The following SPOCK3 variants were observed in gnomAD, a reference collection of about 807,000 sequenced individuals.
SPOCK3 encodes the protein testican-3.
Under a neutral mutation model 56.6 loss-of-function variants are expected in SPOCK3, and 30 were observed. The ratio of observed to expected loss-of-function variants is 0.53; its 90% CI spans 0.40 to 0.72. The LOEUF is 0.72. SPOCK3 is among the 30% of genes least tolerant of loss of function. SPOCK3 has a pLI of 0.00. For synonymous variants in SPOCK3, 196 were observed against 183.3 expected (o/e 1.07, Z -0.56); for missense variants, 527 against 530.0 (o/e 0.99, Z 0.06).
intron 2 of SPOCK3, among the ~76,000 whole-genome samples, chr4:167,161,633 AC>A (rs1231602961): frequency 2.0e-5 from 3 of 152,146 alleles, no homozygotes; most frequent in Admixed American, 1.3e-4. Context: ...AAGACTTGGA[AC>A]CAACCCAAAT....
intron 4 of SPOCK3, among the ~76,000 whole-genome samples, chr4:166,993,307 G>A (rs1018061994): frequency 2.6e-5 from 4 of 152,144 alleles, no homozygotes; most frequent in Non-Finnish European, 5.9e-5. Context: ...GACATCCCTT[G>A]AGGCGTCTAG....
intron 2 of SPOCK3, among the ~76,000 whole-genome samples, chr4:167,200,363 A>G (rs1733400088): frequency 6.6e-6 from 1 of 152,066 alleles, no homozygotes; most frequent in East Asian, 1.9e-4. Context: ...ATTAAAAAAT[A>G]TACCCTTTAT....
intron 4 of SPOCK3, among the ~76,000 whole-genome samples, chr4:166,948,097 T>G (rs1181260790): frequency 6.6e-6 from 1 of 152,210 alleles, no homozygotes; most frequent in Non-Finnish European, 1.5e-5. Context: ...AGTTCACATA[T>G]GAGTGAGAAC....
At chr4:167,008,061 A>C (rs1749638653) in intron 3 of SPOCK3, among the ~76,000 whole-genome samples, 1 of 152,170 alleles carries the variant, frequency 6.6e-6, no homozygotes, top group African/African-American at 2.4e-5. Flanking sequence ...GGTAAGGCTA[A>C]GAAGACACTT....
intron 4 of SPOCK3, among the ~76,000 whole-genome samples, chr4:166,934,862 GT>G (rs145471489): frequency 0.089 from 13,512 of 151,880 alleles, 880 homozygotes; most frequent in Admixed American, 0.22. Context: ...AGCAAAAGTG[GT>G]TGTGTTGCAC....
intron 4 of SPOCK3, among the ~76,000 whole-genome samples, chr4:166,915,884 G>A (rs555846054): frequency 4.5e-4 from 69 of 152,244 alleles, no homozygotes; most frequent in Admixed American, 1.4e-3. Flanking sequence ...AACAAATAGG[G>A]TGATACAACT....
intron 6 of SPOCK3, among the ~76,000 whole-genome samples, chr4:166,837,671 TATA>T (rs1428270472): frequency 2.6e-5 from 4 of 152,338 alleles, no homozygotes; most frequent in Admixed American, 2.0e-4. Context: ...GTTAGACAGT[TATA>T]ATGTTTGCTT....
intron 6 of SPOCK3, among the ~76,000 whole-genome samples, chr4:166,838,735 A>C (rs1397476389): frequency 7.1e-6 from 1 of 139,868 alleles, no homozygotes; most frequent in Non-Finnish European, 1.5e-5. Flanking sequence ...CGGATCACAA[A>C]GTCAGGAGAT....
chr4:166,979,699 C>T (rs2150089611), intron 4 of SPOCK3, among the ~76,000 whole-genome samples: 1 of 152,290 alleles, frequency 6.6e-6, no homozygotes, highest in Non-Finnish European at 1.5e-5. Flanking sequence ...CAATGCCTAA[C>T]TCTAAAGAGT....
chr4:166,769,163 G>GATCT (rs1738568213), intron 7 of SPOCK3, among the ~76,000 whole-genome samples: 2 of 150,606 alleles, frequency 1.3e-5, no homozygotes, highest in Non-Finnish European at 3.0e-5. Flanking sequence ...AAGTTTGAGT[G>GATCT]TCTGAAGCCT....
chr4:166,899,948 T>A (rs1301180146), intron 5 of SPOCK3, among the ~76,000 whole-genome samples: 2 of 152,216 alleles, frequency 1.3e-5, no homozygotes, highest in African/African-American at 4.8e-5. Flanking sequence ...ATTCTTTGGG[T>A]ATTGGAGAGA....
At chr4:166,764,438 G>A (rs1737695261) in intron 7 of SPOCK3, among the ~76,000 whole-genome samples, 1 of 152,046 alleles carries the variant, frequency 6.6e-6, no homozygotes, top group African/African-American at 2.4e-5. Context: ...AGAACATGCG[G>A]TGTTTGGTTT....
At chr4:167,142,625 T>C (rs190778076) in intron 2 of SPOCK3, among the ~76,000 whole-genome samples, 9 of 152,084 alleles carry the variant, frequency 5.9e-5, no homozygotes, top group Admixed American at 5.9e-4. Flanking sequence ...CACCTTCTGT[T>C]GACCTCATTG....
intron 2 of SPOCK3, among the ~76,000 whole-genome samples, chr4:167,116,151 T>G (rs1396914628): frequency 6.6e-6 from 1 of 151,608 alleles, no homozygotes; most frequent in East Asian, 1.9e-4. Context: ...TCCCAGAAAT[T>G]TCACTCCTAT....
chr4:166,842,969 C>T (rs1208655368), intron 6 of SPOCK3, among the ~76,000 whole-genome samples: 4 of 152,316 alleles, frequency 2.6e-5, no homozygotes, highest in East Asian at 3.9e-4. Flanking sequence ...AGCCCTGCCC[C>T]GCGGGGAGGC....
At chr4:166,973,454 G>T (rs1370586945) in intron 4 of SPOCK3, among the ~76,000 whole-genome samples, 1 of 152,146 alleles carries the variant, frequency 6.6e-6, no homozygotes, top group Non-Finnish European at 1.5e-5. Flanking sequence ...TAAAGAGTTT[G>T]TTAATGGGAG....
intron 4 of SPOCK3, among the ~76,000 whole-genome samples, chr4:166,971,403 A>ATCCTAT (rs1554012229): frequency 1.1e-4 from 17 of 152,244 alleles, no homozygotes; most frequent in Non-Finnish European, 1.3e-4. Flanking sequence ...AAAGTCTTTA[A>ATCCTAT]GAGGATTCGA....
At chr4:166,850,409 C>G (rs901268167) in intron 6 of SPOCK3, among the ~76,000 whole-genome samples, 1 of 152,146 alleles carries the variant, frequency 6.6e-6, no homozygotes, top group Non-Finnish European at 1.5e-5. Flanking sequence ...TAATAGGGTT[C>G]TGGATTTGGA....
At position 166,854,777 on chromosome 4, in the gene SPOCK3, G is replaced by A. The variant is rs565021126; in HGVS notation, c.589+34353C>T. On this transcript the variant is annotated intron_variant, in intron 6 of 10. Transcript: ENST00000357545. ...GTAATTAATAAGTTAATGAGCTGTT[G>A]ACAAAACTCACACACACACAAAAAT... Among the ~76,000 whole-genome samples the A allele has an allele frequency of 2.0e-5, 3 of 152,206 alleles. No individual in the cohort carries two copies. The East Asian group carries it at 5.8e-4, about 29-fold the overall frequency.
Sources: allele counts gnomAD v4.1 joint callset (sites outside exome capture counted in the v4.1 genomes callset), GRCh38; gene constraint gnomAD v4.1.1; transcripts MANE v1.5; gene names NCBI Gene and HGNC (gene_info 2026-07-23, HGNC 2026-07-21).